Variants in ADAMTS6 observed in about 807,000 individuals in gnomAD.
The protein encoded by ADAMTS6 is ADAM metallopeptidase with thrombospondin type 1 motif 6, also known as A disintegrin and metalloproteinase with thrombospondin motifs 6.
Under a neutral mutation model 144.3 loss-of-function variants are expected in ADAMTS6, and 23 were observed. The ratio of observed to expected loss-of-function variants is 0.16; its 90% CI spans 0.11 to 0.23. The LOEUF (loss-of-function observed/expected upper bound fraction) is 0.23. Ranked by LOEUF, ADAMTS6 falls within the 10% of genes least tolerant of loss-of-function variation. The probability of loss-of-function intolerance (pLI) is 1.00; values close to 1 mark genes in which losing one functional copy is unlikely to be tolerated. For missense variants in ADAMTS6, 999 were observed against 1,379.6 expected (o/e 0.72, Z 4.37); for synonymous variants, 444 against 457.5 (o/e 0.97, Z 0.38).
At chr5:65,391,356 A>G (rs1752894073) in intron 7 of ADAMTS6, among the ~76,000 whole-genome samples, 2 of 152,138 alleles carry the variant, frequency 1.3e-5, no homozygotes, top group African/African-American at 2.4e-5. Context: ...TTTTACCCAG[A>G]CTTATCTATT....
At chr5:65,427,986 G>A (rs1037132758) in intron 7 of ADAMTS6, among the ~76,000 whole-genome samples, 2 of 152,022 alleles carry the variant, frequency 1.3e-5, no homozygotes, top group African/African-American at 4.8e-5. Flanking sequence ...AGCACTTTGG[G>A]AGGCTGAGAC....
chr5:65,166,995 A>C (rs1257495919), intron 24 of ADAMTS6, among the ~76,000 whole-genome samples: 13 of 146,688 alleles, frequency 8.9e-5, no homozygotes, highest in Admixed American at 2.0e-4. Context: ...GAGCAAACAC[A>C]TTCAAAAGCT....
intron 24 of ADAMTS6, among the ~76,000 whole-genome samples, chr5:65,152,906 C>T (rs1049579301): frequency 6.6e-6 from 1 of 152,206 alleles, no homozygotes; most frequent in Non-Finnish European, 1.5e-5. Context: ...CAAAGTTCCA[C>T]CCTCATTTTT....
At chr5:65,410,809 G>A (rs964673297) in intron 7 of ADAMTS6, among the ~76,000 whole-genome samples, 8 of 152,014 alleles carry the variant, frequency 5.3e-5, no homozygotes, top group African/African-American at 1.2e-4. Context: ...TTAATACAAT[G>A]TCCTCCGGGT....
intron 21 of ADAMTS6, among the ~76,000 whole-genome samples, chr5:65,189,215 AG>A (rs1254460469): frequency 3.3e-5 from 5 of 152,152 alleles, no homozygotes; most frequent in African/African-American, 1.2e-4. Flanking sequence ...ACATAATTTC[AG>A]GGGGTTTGTG....
chr5:65,313,174 C>T (rs1006984530), intron 9 of ADAMTS6, among the ~76,000 whole-genome samples: 13 of 145,572 alleles, frequency 8.9e-5, no homozygotes, highest in African/African-American at 2.7e-4. Flanking sequence ...CACACACACA[C>T]ACACAGAGTT....
chr5:65,232,786 C>T (rs558085556), intron 15 of ADAMTS6, among the ~76,000 whole-genome samples: 53 of 151,610 alleles, frequency 3.5e-4, no homozygotes, highest in Non-Finnish European at 2.7e-4. Flanking sequence ...AGAATTAATA[C>T]CAATTTTTCT....
Position 65,403,100 on chromosome 5 carries a change from A to G in ADAMTS6, c.1073+48375T>C, listed in dbSNP as rs1316747675. 2.0e-5 allele frequency among the ~76,000 whole-genome samples: 3 copies of G among 152,222 alleles called. No homozygotes were observed. The East Asian group carries it at 5.8e-4, about 29-fold the overall frequency. On this transcript the variant is annotated intron_variant, in intron 7 of 24. Transcript: ENST00000381055. ...TTTAAGGCCTCATTTTACTCAAACT[A>G]TCACAGTCATCTGATATAGATGATG...
chr5:65,341,195 G>C (rs1747785891), intron 7 of ADAMTS6, among the ~76,000 whole-genome samples: 1 of 151,722 alleles, frequency 6.6e-6, no homozygotes, highest in African/African-American at 2.4e-5. Context: ...AAACCTATAG[G>C]ACATAGCAAA....
chr5:65,357,971 A>T (rs1160269054), intron 7 of ADAMTS6, among the ~76,000 whole-genome samples: 3 of 151,964 alleles, frequency 2.0e-5, no homozygotes, highest in Admixed American at 6.6e-5. Flanking sequence ...ATACTTCCAA[A>T]CTCATTTAAT....
At chr5:65,469,595 G>A (rs1000311615) in intron 3 of ADAMTS6, among the ~76,000 whole-genome samples, 2 of 152,096 alleles carry the variant, frequency 1.3e-5, no homozygotes, top group Non-Finnish European at 2.9e-5. Flanking sequence ...TACTCAATTT[G>A]TCTATTTGTA....
intron 22 of ADAMTS6, among the ~76,000 whole-genome samples, chr5:65,173,428 A>C (rs1439850477): frequency 6.6e-6 from 1 of 152,194 alleles, no homozygotes; most frequent in Non-Finnish European, 1.5e-5. Flanking sequence ...TCTGTGAAGC[A>C]AGTTCAGGGT....
At chr5:65,398,301 T>C (rs1433042991) in intron 7 of ADAMTS6, among the ~76,000 whole-genome samples, 2 of 152,226 alleles carry the variant, frequency 1.3e-5, no homozygotes, top group East Asian at 1.9e-4. Flanking sequence ...CTATATTTTA[T>C]TGATCTGTTG....
At chr5:65,156,343 AC>A (rs1752418750) in intron 24 of ADAMTS6, among the ~76,000 whole-genome samples, 1 of 152,030 alleles carries the variant, frequency 6.6e-6, no homozygotes, top group Non-Finnish European at 1.5e-5. Flanking sequence ...CAAACAAAAA[AC>A]CAAAAAAACA....
chr5:65,471,383 A>T (rs1760417406), intron 2 of ADAMTS6, among the ~76,000 whole-genome samples: 1 of 152,174 alleles, frequency 6.6e-6, no homozygotes, highest in Non-Finnish European at 1.5e-5. Context: ...TACTTTTTTA[A>T]TTTTTAAAAC....
chr5:65,465,955 T>C (rs990807552), intron 3 of ADAMTS6, among the ~76,000 whole-genome samples: 1 of 152,206 alleles, frequency 6.6e-6, no homozygotes, highest in Non-Finnish European at 1.5e-5. Context: ...TATTGATGAC[T>C]CCCAAATTTA....
At chr5:65,196,880 A>G (rs548041424) in intron 21 of ADAMTS6, 142 bp downstream of exon 21, 1 of 1,021,176 alleles carries the variant, frequency 9.8e-7, no homozygotes, top group East Asian at 2.7e-5. Flanking sequence ...AGAGACATCA[A>G]AATTCCTCCC....
intron 15 of ADAMTS6, among the ~76,000 whole-genome samples, chr5:65,236,349 G>A (rs1350393756): frequency 6.6e-6 from 1 of 152,102 alleles, no homozygotes; most frequent in Non-Finnish European, 1.5e-5. Context: ...CTACAGTGGT[G>A]TGATCATAGC....
rs549941012 is a variant in ADAMTS6, at chr5:65,341,379, T to A, written c.1074-7294A>T. Among the ~76,000 whole-genome samples, 2 of 151,312 alleles carry A rather than the reference T, an allele frequency of 1.3e-5. 1 individual carries two copies. Among genetic ancestry groups the A allele is most frequent in the Admixed American group, 1.3e-4 (2 of 15,216 alleles). On this transcript the variant is annotated intron_variant, in intron 7 of 24. Coordinates refer to ENST00000381055, the MANE Select transcript of ADAMTS6 (RefSeq NM_197941.4). ...GAGCAACAATAAATGAAAATGAAACTAAAAAATATGAAAGATCGATAAAAC... is the reference window on the plus strand; with the variant it reads ...GAGCAACAATAAATGAAAATGAAACAAAAAAATATGAAAGATCGATAAAAC...
Sources: gnomAD v4.1 joint callset for allele counts (sites outside exome capture counted in the v4.1 genomes callset) on GRCh38, gnomAD v4.1.1 for gene constraint, MANE v1.5 for transcripts, NCBI Gene and HGNC (gene_info 2026-07-23, HGNC 2026-07-21) for gene names.